The following DOCK4 variants were observed in gnomAD, a reference collection of about 807,000 sequenced individuals.
DOCK4 encodes the protein dedicator of cytokinesis protein 4.
A neutral mutation model predicts 268.1 loss-of-function variants in DOCK4; 97 were observed. That is an observed-to-expected ratio of 0.36 (90% CI 0.31 to 0.43). The LOEUF (loss-of-function observed/expected upper bound fraction) is 0.43, where lower values mean the gene tolerates loss of function less well. Ranked by LOEUF, DOCK4 falls within the 20% of genes least tolerant of loss-of-function variation. DOCK4 has a pLI of 1.00. For missense variants in DOCK4, 2,145 were observed against 2,455.7 expected, an observed-to-expected ratio of 0.87 and a Z score of 2.67; for synonymous variants, 954 against 887.2, an observed-to-expected ratio of 1.08 and a Z score of -1.34.
intron 17 of DOCK4, 39 bp from the exon 18 acceptor site, chr7:111,872,603 A>G (rs1412216353): frequency 6.7e-7 from 1 of 1,498,680 alleles, no homozygotes; most frequent in Non-Finnish European, 9.0e-7. Context: ...GCCTTAATAG[A>G]GAACAGGTCC....
intron 8 of DOCK4, among the ~76,000 whole-genome samples, chr7:111,955,704 T>C (rs1344010630): frequency 3.3e-5 from 5 of 152,212 alleles, no homozygotes; most frequent in African/African-American, 1.2e-4. Context: ...AAAAAAGGAA[T>C]ATAATACTCT....
chr7:112,206,192 G>A lies in DOCK4; in HGVS notation c.-54C>T, dbSNP rs2116923300. On this transcript the variant is annotated 5_prime_UTR_variant, in exon 1 of 53. Transcript: ENST00000428084. ...TTTGTAATCCCCGCGCCCCTTCTCC[G>A]GCTCACAACAATGCACAGTCCCCGA... 7.2e-6 allele frequency: 11 copies of A among 1,535,684 alleles called. No individual in the cohort carries two copies. In the South Asian group the frequency reaches 1.3e-4, roughly 18 times the overall value.
chr7:112,052,266 T>C (rs1006433354), intron 1 of DOCK4, among the ~76,000 whole-genome samples: 7 of 152,272 alleles, frequency 4.6e-5, no homozygotes, highest in African/African-American at 1.7e-4. Context: ...ATATAGAATG[T>C]TGACTGTATG....
At chr7:111,759,053 A>G (rs1303121675) in intron 40 of DOCK4, among the ~76,000 whole-genome samples, 1 of 152,138 alleles carries the variant, frequency 6.6e-6, no homozygotes, top group Non-Finnish European at 1.5e-5. Context: ...TGACCTATGA[A>G]TTTAGATATC....
chr7:112,043,759 C>A (rs1388566633), intron 1 of DOCK4, among the ~76,000 whole-genome samples: 3 of 151,848 alleles, frequency 2.0e-5, no homozygotes, highest in African/African-American at 4.8e-5. Flanking sequence ...TATCTAAATA[C>A]CCCCTAGATA....
intron 16 of DOCK4, among the ~76,000 whole-genome samples, chr7:111,878,025 A>T (rs1217357701): frequency 2.6e-5 from 4 of 152,216 alleles, no homozygotes; most frequent in African/African-American, 7.2e-5. Context: ...GCTGAACCCC[A>T]GTCCATCACA....
chr7:112,151,867 C>A (rs1460555674), intron 1 of DOCK4, among the ~76,000 whole-genome samples: 1 of 150,930 alleles, frequency 6.6e-6, no homozygotes, highest in African/African-American at 2.4e-5. Flanking sequence ...AAAACCTGTG[C>A]CTGGCTTTAG....
intron 50 of DOCK4, 139 bp downstream of exon 50, chr7:111,736,778 A>T: frequency 1.3e-6 from 1 of 762,162 alleles, no homozygotes; most frequent in Non-Finnish European, 2.2e-6. Flanking sequence ...GTCTTTCATT[A>T]ATCCCTTAAA....
At chr7:112,135,808 G>A (rs995729638) in intron 1 of DOCK4, among the ~76,000 whole-genome samples, 6 of 150,400 alleles carry the variant, frequency 4.0e-5, no homozygotes, top group South Asian at 2.1e-4. Flanking sequence ...AAATTACCCC[G>A]AAGTTTAATG....
intron 36 of DOCK4, among the ~76,000 whole-genome samples, chr7:111,770,704 G>T (rs938042234): frequency 6.6e-6 from 1 of 152,126 alleles, no homozygotes; most frequent in Non-Finnish European, 1.5e-5. Flanking sequence ...GAATAAAATG[G>T]ACAAATACTT....
At chr7:111,803,777 T>C (rs1229019803) in intron 30 of DOCK4, among the ~76,000 whole-genome samples, 1 of 152,196 alleles carries the variant, frequency 6.6e-6, no homozygotes, top group Non-Finnish European at 1.5e-5. Context: ...CATTTTTTAG[T>C]CCTTCAACTT....
intron 10 of DOCK4, among the ~76,000 whole-genome samples, chr7:111,942,973 A>T (rs1034605177): frequency 6.6e-6 from 1 of 152,184 alleles, no homozygotes; most frequent in African/African-American, 2.4e-5. Context: ...AGGAACAAGC[A>T]TTTTGCATTT....
intron 52 of DOCK4, among the ~76,000 whole-genome samples, chr7:111,730,777 C>A (rs1354302168): frequency 6.6e-6 from 1 of 152,180 alleles, no homozygotes; most frequent in Admixed American, 6.5e-5. Flanking sequence ...TTCCTTCAAA[C>A]CCTACATATA....
chr7:111,735,197 AC>A (rs1269917127), intron 50 of DOCK4, 30 bp from the exon 51 acceptor site: 1 of 1,464,714 alleles, frequency 6.8e-7, no homozygotes, highest in Non-Finnish European at 9.3e-7. Context: ...CTAAAAACAC[AC>A]GGTCCAGCTT....
intron 16 of DOCK4, among the ~76,000 whole-genome samples, chr7:111,882,714 G>A (rs1429710141): frequency 6.6e-6 from 1 of 152,024 alleles, no homozygotes; most frequent in Non-Finnish European, 1.5e-5. Flanking sequence ...CCGGGTTCAA[G>A]CAATTCTCCT....
At chr7:111,934,181 T>A (rs1473034300) in intron 12 of DOCK4, among the ~76,000 whole-genome samples, 1 of 152,244 alleles carries the variant, frequency 6.6e-6, no homozygotes, top group East Asian at 1.9e-4. Flanking sequence ...TTTGCTTCAA[T>A]GTGGGTCTGA....
rs150355873 is a variant in DOCK4 at position 112,128,159 on chromosome 7, C to G, written c.37+77943G>C. 2.8e-3 allele frequency among the ~76,000 whole-genome samples: 422 copies of G among 152,356 alleles called. 2 individuals are homozygous for G. The highest frequency in any genetic ancestry group is 4.9e-3 in the Non-Finnish European group (333 of 68,028). ...CTTCTGGCAAGGGTAGATTCCAGTA[C>G]TCTCCTTCCCCAATCCTAAAAGATT... On this transcript the variant is annotated intron_variant, in intron 1 of 52. Transcript: ENST00000428084.
At chr7:111,936,485 A>AATGAATGG (rs371416256) in intron 11 of DOCK4, among the ~76,000 whole-genome samples, 14,234 of 148,034 alleles carry the variant, frequency 0.096, 1,016 homozygotes, top group East Asian at 0.28. Flanking sequence ...CAGTGGTATG[A>AATGAATGG]ATGGATGGAT....
rs539459984 is a variant in DOCK4, at chr7:112,011,534, T to C, written c.38-7403A>G. ...GACATTTCAATACTCATTTTAGAGA[T>C]AGAGAAACAGAAAAAAAAAGAGGCA... On this transcript the variant is annotated intron_variant, in intron 1 of 52. Coordinates refer to ENST00000428084, the MANE Select transcript of DOCK4 (RefSeq NM_001363540.2). Among the ~76,000 whole-genome samples the C allele has an allele frequency of 1.6e-4, 25 of 151,748 alleles. 2 individuals carry two copies. The South Asian group carries it at 3.3e-3, about 20-fold the overall frequency.
Sources: gnomAD v4.1 joint callset for allele counts (sites outside exome capture counted in the v4.1 genomes callset) on GRCh38, gnomAD v4.1.1 for gene constraint, MANE v1.5 for transcripts, NCBI Gene and HGNC (gene_info 2026-07-23, HGNC 2026-07-21) for gene names.